The following SPOCK3 variants were observed in gnomAD, a reference collection of about 807,000 sequenced individuals.
The protein encoded by SPOCK3 is testican-3.
A neutral mutation model predicts 56.6 loss-of-function variants in SPOCK3; 30 were observed. The ratio of observed to expected loss-of-function variants is 0.53; its 90% CI spans 0.40 to 0.72. SPOCK3 has a LOEUF of 0.72. SPOCK3 is among the 30% of genes least tolerant of loss of function. The pLI, the probability that SPOCK3 is intolerant of heterozygous loss-of-function variation, is 0.00. For missense variants in SPOCK3, 527 were observed against 530.0 expected (o/e 0.99, Z 0.06); for synonymous variants, 196 against 183.3 (o/e 1.07, Z -0.56).
At chr4:167,216,251 A>G (rs754144281) in intron 2 of SPOCK3, among the ~76,000 whole-genome samples, 27 of 152,148 alleles carry the variant, frequency 1.8e-4, no homozygotes, top group Admixed American at 7.9e-4. Context: ...CACCGAAAAA[A>G]ATACCGTTTA....
At chr4:167,151,385 GCTAA>G (rs33934999) in intron 2 of SPOCK3, among the ~76,000 whole-genome samples, 17,411 of 151,838 alleles carry the variant, frequency 0.11, 1,148 homozygotes, top group Admixed American at 0.18. Context: ...GGCTGCTCAG[GCTAA>G]CTTTTTGTTG....
chr4:166,845,670 A>G (rs755948777), intron 6 of SPOCK3, among the ~76,000 whole-genome samples: 1 of 152,190 alleles, frequency 6.6e-6, no homozygotes, highest in East Asian at 1.9e-4. Flanking sequence ...ATTACCAAGC[A>G]ATAGTTCAAC....
At chr4:167,222,350 G>C (rs1231433967) in intron 2 of SPOCK3, among the ~76,000 whole-genome samples, 1 of 151,766 alleles carries the variant, frequency 6.6e-6, no homozygotes, top group Non-Finnish European at 1.5e-5. Context: ...CAATGAAAAA[G>C]TTCTGGAGAC....
chr4:166,916,044 A>G (rs1737812210), intron 4 of SPOCK3, among the ~76,000 whole-genome samples: 1 of 152,174 alleles, frequency 6.6e-6, no homozygotes, highest in Non-Finnish European at 1.5e-5. Flanking sequence ...TAAAAATCTG[A>G]GTTAAAAATT....
intron 2 of SPOCK3, 167 bp from the exon 3 acceptor site, chr4:167,062,704 C>A (rs1755733069): frequency 1.7e-6 from 1 of 575,726 alleles, no homozygotes; most frequent in South Asian, 2.6e-5. Context: ...AAAAAAGAAA[C>A]AAGAGAAAAA....
intron 2 of SPOCK3, among the ~76,000 whole-genome samples, chr4:167,149,107 A>G (rs1250386487): frequency 6.6e-6 from 1 of 152,154 alleles, no homozygotes; most frequent in Non-Finnish European, 1.5e-5. Flanking sequence ...ACTCTAAGCC[A>G]TGTGACCACA....
chr4:166,767,117 T>C (rs1738196366), intron 7 of SPOCK3, among the ~76,000 whole-genome samples: 1 of 152,156 alleles, frequency 6.6e-6, no homozygotes, highest in African/African-American at 2.4e-5. Flanking sequence ...CTATCAATTT[T>C]GTTGATCTTT....
intron 2 of SPOCK3, among the ~76,000 whole-genome samples, chr4:167,117,087 C>T (rs1761491119): frequency 6.6e-6 from 1 of 151,136 alleles, no homozygotes; most frequent in Non-Finnish European, 1.5e-5. Context: ...CTGGAATGCT[C>T]CCAACACAAA....
intron 2 of SPOCK3, among the ~76,000 whole-genome samples, chr4:167,134,693 A>T (rs1033321226): frequency 6.6e-6 from 1 of 152,084 alleles, no homozygotes; most frequent in Non-Finnish European, 1.5e-5. Flanking sequence ...TATTCAAAGG[A>T]CTTCAAAAGT....
rs549061664 is a variant in SPOCK3, at chr4:167,043,599, C to T, written c.235+18893G>A. ...TTTATAGATGTTCTTTATCAGGTTG[C>T]AGAAGTCAACCTCTATTCCTACTTT... On this transcript the variant is annotated intron_variant, in intron 3 of 10. Coordinates refer to ENST00000357545, the MANE Select transcript of SPOCK3 (RefSeq NM_001040159.2). Among the ~76,000 whole-genome samples the T allele has an allele frequency of 3.9e-5, 6 of 152,010 alleles. No homozygotes were observed. The South Asian group carries it at 8.3e-4, about 21-fold the overall frequency.
At chr4:166,892,321 C>A (rs1734868621) in intron 5 of SPOCK3, among the ~76,000 whole-genome samples, 1 of 151,782 alleles carries the variant, frequency 6.6e-6, no homozygotes, top group Non-Finnish European at 1.5e-5. Flanking sequence ...TGATTCTACT[C>A]AACACCTTTT....
chr4:167,196,036 A>G (rs529654488), intron 2 of SPOCK3, among the ~76,000 whole-genome samples: 2 of 152,306 alleles, frequency 1.3e-5, no homozygotes, highest in South Asian at 4.1e-4. Flanking sequence ...ATATTCTATC[A>G]GTTCTTTTGT....
At chr4:166,984,893 C>T (rs1198859318) in intron 4 of SPOCK3, among the ~76,000 whole-genome samples, 2 of 152,028 alleles carry the variant, frequency 1.3e-5, no homozygotes, top group Non-Finnish European at 2.9e-5. Flanking sequence ...AATTCTTTAA[C>T]TCCTGTCTTT....
chr4:166,934,705 G>A (rs923582288), intron 4 of SPOCK3, among the ~76,000 whole-genome samples: 11 of 152,042 alleles, frequency 7.2e-5, no homozygotes, highest in South Asian at 6.2e-4. Context: ...TTTTCCATAC[G>A]TCTATGAGAT....
chr4:166,939,958 T>C (rs1336796915), intron 4 of SPOCK3, among the ~76,000 whole-genome samples: 1 of 152,186 alleles, frequency 6.6e-6, no homozygotes, highest in Non-Finnish European at 1.5e-5. Context: ...TTTTCCAGGT[T>C]TTATTTGGCA....
intron 7 of SPOCK3, among the ~76,000 whole-genome samples, chr4:166,789,919 C>T (rs1019721110): frequency 2.0e-5 from 3 of 152,098 alleles, no homozygotes; most frequent in Non-Finnish European, 4.4e-5. Flanking sequence ...CATTTTGACT[C>T]ATTGCTTCCA....
At chr4:167,205,283 T>TATTATAG (rs1186838724) in intron 2 of SPOCK3, among the ~76,000 whole-genome samples, 4 of 53,958 alleles carry the variant, frequency 7.4e-5, no homozygotes, top group African/African-American at 2.6e-4. Flanking sequence ...ATATATTATA[T>TATTATAG]ATATTTTATA....
At chr4:166,948,199 T>C (rs894903773) in intron 4 of SPOCK3, among the ~76,000 whole-genome samples, 1 of 152,210 alleles carries the variant, frequency 6.6e-6, no homozygotes, top group African/African-American at 2.4e-5. Context: ...AGGACGTTTT[T>C]AATGGTCGAA....
At chr4:166,744,585 AG>A (rs1735322026) in intron 8 of SPOCK3, among the ~76,000 whole-genome samples, 1 of 152,196 alleles carries the variant, frequency 6.6e-6, no homozygotes. Flanking sequence ...TCTCCTCCAA[AG>A]GAACGCAGCT....
Sources: allele counts gnomAD v4.1 joint callset (sites outside exome capture counted in the v4.1 genomes callset), GRCh38; gene constraint gnomAD v4.1.1; transcripts MANE v1.5; gene names NCBI Gene and HGNC (gene_info 2026-07-23, HGNC 2026-07-21).